PIEZO2: variants seen among roughly 807,000 people sequenced by gnomAD.
PIEZO2 encodes the protein piezo type mechanosensitive ion channel component 2.
Under a neutral mutation model 337.3 loss-of-function variants are expected in PIEZO2, and 172 were observed. The ratio of observed to expected loss-of-function variants is 0.51; its 90% confidence interval spans 0.45 to 0.58. PIEZO2 has a LOEUF of 0.58. Among genes scored for constraint, PIEZO2 ranks in the 20% least tolerant of loss-of-function variants. The pLI, the probability that PIEZO2 is intolerant of heterozygous loss-of-function variation, is 0.00. For synonymous variants in PIEZO2, 1,251 were observed against 1,228.5 expected (o/e 1.02, Z -0.38); for missense variants, 3,028 against 3,391.3 (o/e 0.89, Z 2.66).
At chr18:10,805,325 C>T (rs2039965558) in intron 8 of PIEZO2, among the ~76,000 whole-genome samples, 1 of 152,148 alleles carries the variant, frequency 6.6e-6, no homozygotes, top group African/African-American at 2.4e-5. Flanking sequence ...ACCAGCCTGG[C>T]CAACATGGCG....
chr18:10,697,942 C>T (rs2035169602), intron 44 of PIEZO2, 62 bp from the exon 45 acceptor site: 1 of 1,538,380 alleles, frequency 6.5e-7, no homozygotes. Context: ...ACCTAAATAT[C>T]CAAGAAGCAG....
At chr18:11,114,160 T>G (rs1272337303) in intron 1 of PIEZO2, among the ~76,000 whole-genome samples, 5 of 152,208 alleles carry the variant, frequency 3.3e-5, no homozygotes, top group Non-Finnish European at 7.3e-5. Context: ...ATTAAATGTT[T>G]AGATTAAGGG....
rs916242198 is a variant in PIEZO2, at chr18:11,101,236, A to G, written c.65-35014T>C. Among the ~76,000 whole-genome samples, 1 of 152,208 alleles carries G rather than the reference A, an allele frequency of 6.6e-6. No individual in the cohort carries two copies. Among genetic ancestry groups the G allele is most frequent in the African/African-American group, 2.4e-5 (1 of 41,452 alleles). On this transcript the variant is annotated intron_variant, in intron 1 of 55. Coordinates refer to ENST00000674853, the MANE Select transcript of PIEZO2 (RefSeq NM_001378183.1). The surrounding 1 kb of genome is among the most constrained non-coding windows in gnomAD (Gnocchi z 4.4). ...CCTTTACTGACCTCCCTAATCCTCAAGAACACTCCTTCCGACTTCCAAACT... is the reference window on the plus strand; with the variant it reads ...CCTTTACTGACCTCCCTAATCCTCAGGAACACTCCTTCCGACTTCCAAACT...
At position 10,813,756 on chromosome 18, in the gene PIEZO2, G is replaced by A. The variant is rs1459388569; in HGVS notation, c.918-6482C>T. 2.0e-5 allele frequency among the ~76,000 whole-genome samples: 3 copies of A among 152,030 alleles called. No individual in the cohort carries two copies. Among genetic ancestry groups the A allele is most frequent in the African/African-American group, 7.2e-5 (3 of 41,380 alleles). ...AATTCTTTTCTATATATAGCCATAA[G>A]TGAAATTGTTGGATCGTATGACCAT... is the stretch of plus-strand genomic sequence containing the variant. On this transcript the variant is annotated intron_variant, in intron 7 of 55. Coordinates refer to ENST00000674853, the MANE Select transcript of PIEZO2 (RefSeq NM_001378183.1). This position sits in a 1 kb window ranked among gnomAD's most constrained non-coding sequence, Gnocchi z 4.2.
At chr18:11,135,535 C>T (rs767238521) in intron 1 of PIEZO2, among the ~76,000 whole-genome samples, 18 of 152,128 alleles carry the variant, frequency 1.2e-4, no homozygotes, top group South Asian at 2.1e-4. Flanking sequence ...GTTTGGTTCA[C>T]GTTGCAGATT....
chr18:11,069,853 T>C lies in PIEZO2; in HGVS notation c.65-3631A>G, dbSNP rs1425318594. 6.6e-6 allele frequency among the ~76,000 whole-genome samples: 1 copy of C among 152,042 alleles called. No individual in the cohort carries two copies. The highest frequency in any genetic ancestry group is 1.5e-5 in the Non-Finnish European group (1 of 68,004). On this transcript the variant is annotated intron_variant, in intron 1 of 55. Transcript: ENST00000674853. The surrounding 1 kb of genome is among the most constrained non-coding windows in gnomAD (Gnocchi z 4.9). ...AAAATACAAAATCAACACAAGAAAA[T>C]CAGTGGTATTTGCTATATGCTAACA... is the stretch of plus-strand genomic sequence containing the variant.
intron 3 of PIEZO2, among the ~76,000 whole-genome samples, chr18:10,968,416 T>C (rs943487074): frequency 1.3e-5 from 2 of 152,234 alleles, no homozygotes; most frequent in Non-Finnish European, 1.5e-5. Context: ...TTGGTTAGTC[T>C]TGCTTTCGCT....
At chr18:10,916,194 C>G (rs1188738999) in intron 3 of PIEZO2, among the ~76,000 whole-genome samples, 1 of 152,198 alleles carries the variant, frequency 6.6e-6, no homozygotes, top group Non-Finnish European at 1.5e-5. Flanking sequence ...CAAAAGTTCT[C>G]CAAGTCACCA....
intron 2 of PIEZO2, among the ~76,000 whole-genome samples, chr18:11,010,783 C>T (rs1200824292): frequency 6.6e-6 from 1 of 152,156 alleles, no homozygotes; most frequent in Non-Finnish European, 1.5e-5. Flanking sequence ...TCCATGAGGA[C>T]GAGGCCCATG....
In PIEZO2 at chr18:10,708,920, C is replaced by T. The variant is rs114798057; in HGVS notation, c.5424-481G>A. Among the ~76,000 whole-genome samples, 945 of 152,118 alleles carry T rather than the reference C, an allele frequency of 6.2e-3. 6 individuals are homozygous for T. The highest frequency in any genetic ancestry group is 0.022 in the African/African-American group (895 of 41,490). ...TTCAATCTTTTTTTTCTTTTTAACA[C>T]GGTCTTCAGAATTAGAGAGGGGAAA... On this transcript the variant is annotated intron_variant, in intron 39 of 55. Coordinates refer to ENST00000674853, the MANE Select transcript of PIEZO2 (RefSeq NM_001378183.1).
At chr18:10,995,393 T>G (rs2035284573) in intron 2 of PIEZO2, among the ~76,000 whole-genome samples, 3 of 150,314 alleles carry the variant, frequency 2.0e-5, no homozygotes, top group African/African-American at 7.4e-5. Context: ...ATGTGTAGAT[T>G]GTGAAGATTT....
Position 10,762,904 on chromosome 18 carries a change from C to G in PIEZO2, c.3123+18G>C. 1 of 1,534,466 alleles carries G rather than the reference C, an allele frequency of 6.5e-7. No homozygotes were observed. Among genetic ancestry groups the G allele is most frequent in the African/African-American group, 1.4e-5 (1 of 73,056 alleles). On this transcript the variant is annotated intron_variant, in intron 22 of 55. Coordinates refer to ENST00000674853, the MANE Select transcript of PIEZO2 (RefSeq NM_001378183.1). ...GCTAAAGGGCAGTCAGGAATATTCC[C>G]CCATCACCGAGGCTCACCAAGGAAC...
rs1418904449 is a variant in PIEZO2 at position 11,033,204 on chromosome 18, CAT to C, written c.160+32921_160+32922del. 6.6e-6 allele frequency among the ~76,000 whole-genome samples: 1 copy of C among 152,246 alleles called. No individual in the cohort carries two copies. The highest frequency in any genetic ancestry group is 1.5e-5 in the Non-Finnish European group (1 of 68,044). On this transcript the variant is annotated intron_variant, in intron 2 of 55. Coordinates refer to ENST00000674853, the MANE Select transcript of PIEZO2 (RefSeq NM_001378183.1). This position sits in a 1 kb window ranked among gnomAD's most constrained non-coding sequence, Gnocchi z 4.2. ...GCACTGTTCTCTCCTTCATTTCACA[CAT>C]GAGGGGACTAAGACTGAGAGGCAAA...
chr18:10,990,712 TAC>T (rs908826536), intron 2 of PIEZO2, among the ~76,000 whole-genome samples: 24 of 150,556 alleles, frequency 1.6e-4, no homozygotes, highest in South Asian at 2.1e-4. Flanking sequence ...TATATACGTG[TAC>T]ACACACACAC....
At chr18:11,004,815 G>T (rs2035663796) in intron 2 of PIEZO2, among the ~76,000 whole-genome samples, 1 of 152,222 alleles carries the variant, frequency 6.6e-6, no homozygotes, top group African/African-American at 2.4e-5. Flanking sequence ...TTTTGTCAGA[G>T]AAGTCATTTC....
At chr18:11,029,690 TTG>T (rs2036662333) in intron 2 of PIEZO2, among the ~76,000 whole-genome samples, 1 of 152,182 alleles carries the variant, frequency 6.6e-6, no homozygotes, top group South Asian at 2.1e-4. Context: ...CCAACGTTTT[TTG>T]TGTCTCAGGG....
chr18:10,759,408 G>A lies in PIEZO2; in HGVS notation c.3757+74C>T. The A allele has an allele frequency of 7.9e-7, 1 of 1,265,486 alleles. No individual in the cohort carries two copies. Among genetic ancestry groups the A allele is most frequent in the Non-Finnish European group, 1.1e-6 (1 of 903,472 alleles). The allele number at this position is 1,265,486 out of a possible 1,614,324, so 78.4% of individuals were successfully genotyped here. ...CTAGTGGAAGACAAAAGGCACTAAT[G>A]CATAGCACGTGAACAATGATTAACA... On this transcript the variant is annotated intron_variant, in intron 26 of 55. Coordinates refer to ENST00000674853, the MANE Select transcript of PIEZO2 (RefSeq NM_001378183.1). The surrounding 1 kb of genome is among the most constrained non-coding windows in gnomAD (Gnocchi z 5.5).
At chr18:10,928,206 G>GA (rs2031866326) in intron 3 of PIEZO2, among the ~76,000 whole-genome samples, 1 of 152,286 alleles carries the variant, frequency 6.6e-6, no homozygotes, top group African/African-American at 2.4e-5. Flanking sequence ...AGCTATGAGG[G>GA]AAAACCTGAA....
At chr18:10,842,528 A>T (rs2041229062) in intron 7 of PIEZO2, among the ~76,000 whole-genome samples, 1 of 152,122 alleles carries the variant, frequency 6.6e-6, no homozygotes, top group South Asian at 2.1e-4. Context: ...TCACCCTGTG[A>T]TCTCTAAAAA....
Sources: gnomAD v4.1 joint callset for allele counts (sites outside exome capture counted in the v4.1 genomes callset) on GRCh38, gnomAD v4.1.1 for gene constraint, Gnocchi (gnomAD v3.1) non-coding constraint, MANE v1.5 for transcripts, NCBI Gene and HGNC (gene_info 2026-07-23, HGNC 2026-07-21) for gene names.